Variants in SOX6 observed in about 807,000 individuals in gnomAD.
The protein encoded by SOX6 is SRY-box transcription factor 6.
In SOX6, 11 loss-of-function variants were observed where a neutral mutation model predicts 97.8. The observed-to-expected ratio is 0.11, with a 90% CI of 0.07 to 0.19. The LOEUF is 0.19. SOX6 is among the 10% of genes least tolerant of loss of function. SOX6 has a pLI of 1.00. For missense variants in SOX6, 810 were observed against 1,039.5 expected, an observed-to-expected ratio of 0.78 and a Z score of 3.04; for synonymous variants, 360 against 371.4, an observed-to-expected ratio of 0.97 and a Z score of 0.35.
chr11:16,011,204 A>G (rs911479937), intron 13 of SOX6, among the ~76,000 whole-genome samples: 1 of 152,082 alleles, frequency 6.6e-6, no homozygotes, highest in East Asian at 1.9e-4. Context: ...GCTGTTCACT[A>G]TTCTTAATTA....
chr11:16,313,989 C>T (rs1855688831), intron 3 of SOX6: 1 of 152,060 alleles, frequency 6.6e-6, no homozygotes, highest in African/African-American at 2.4e-5. Context: ...TTATCTCTAG[C>T]TTGAAACAAT....
intron 4 of SOX6, among the ~76,000 whole-genome samples, chr11:16,520,391 G>T (rs182935295): frequency 3.0e-4 from 46 of 152,250 alleles, no homozygotes; most frequent in Non-Finnish European, 1.5e-4. Flanking sequence ...GAGATACAGG[G>T]GTTGTTTCTA....
At chr11:16,309,150 A>C (rs1855524494) in intron 3 of SOX6, among the ~76,000 whole-genome samples, 1 of 152,212 alleles carries the variant, frequency 6.6e-6, no homozygotes, top group Admixed American at 6.5e-5. Context: ...TGTCAATATC[A>C]ATTCCACTCC....
chr11:16,543,595 A>G (rs1590239405), intron 4 of SOX6, among the ~76,000 whole-genome samples: 1 of 152,180 alleles, frequency 6.6e-6, no homozygotes, highest in Admixed American at 6.6e-5. Flanking sequence ...TTACAACTCA[A>G]TAATGAAAAG....
chr11:16,647,132 T>C (rs1849026855), intron 3 of SOX6, among the ~76,000 whole-genome samples: 1 of 152,144 alleles, frequency 6.6e-6, no homozygotes, highest in Non-Finnish European at 1.5e-5. Flanking sequence ...TTGTGGATAT[T>C]AGTCCTTTGT....
At chr11:16,411,211 G>A (rs775295697) in intron 1 of SOX6, among the ~76,000 whole-genome samples, 2 of 152,174 alleles carry the variant, frequency 1.3e-5, no homozygotes, top group Non-Finnish European at 2.9e-5. Context: ...GTATAACTAA[G>A]TGTGCATGCT....
chr11:16,594,684 C>CTTTTTTTTTTTTTTTTTTTTTTTTT (rs10653599), intron 4 of SOX6, among the ~76,000 whole-genome samples: 2 of 68,266 alleles, frequency 2.9e-5, no homozygotes, highest in Non-Finnish European at 4.8e-5. Flanking sequence ...TCGGTTTTTG[C>CTTTTTTTTTTTTTTTTTTTTTTTTT]TTTTTTTTTT....
At chr11:16,645,265 A>G (rs564717558) in intron 3 of SOX6, among the ~76,000 whole-genome samples, 1 of 152,330 alleles carries the variant, frequency 6.6e-6, no homozygotes, top group African/African-American at 2.4e-5. Context: ...CACAAATCGC[A>G]AGTTCACTTG....
rs561822650 is a variant in SOX6 at position 16,267,819 on chromosome 11, G to A, written c.446-33148C>T. On this transcript the variant is annotated intron_variant, in intron 3 of 15. Coordinates refer to ENST00000683767, the MANE Select transcript of SOX6 (RefSeq NM_001367873.1). ...CTAAGTGTCCATCAATGGATGAATG[G>A]ATAAAGAAAATGTGGCATATGTACA... 3.2e-4 allele frequency among the ~76,000 whole-genome samples: 49 copies of A among 151,592 alleles called. No homozygotes were observed. In the South Asian group the frequency reaches 9.9e-3, roughly 31 times the overall value.
rs190671463 is a variant in SOX6, at chr11:16,668,227, A to T, written n.429+46603T>A. ...GTCTCCACTAAAAAATACAAAAATT[A>T]GCCAGCATGGGGGTGCATGCCTGTA... On this transcript the variant is annotated intron_variant and non_coding_transcript_variant, in intron 3 of 5. Coordinates refer to the SOX6 transcript ENST00000524520. Among the ~76,000 whole-genome samples, 12 of 152,190 alleles carry T rather than the reference A, an allele frequency of 7.9e-5. No individual in the cohort carries two copies. In the East Asian group the frequency reaches 2.3e-3, roughly 29 times the overall value.
chr11:16,014,882 TC>T, intron 13 of SOX6, 59 bp downstream of exon 13: 1 of 1,480,408 alleles, frequency 6.8e-7, no homozygotes, highest in Non-Finnish European at 9.4e-7. Context: ...TATATCTAGC[TC>T]AGACACACAT....
At chr11:16,097,783 A>C in intron 7 of SOX6, 95 bp from the exon 8 acceptor site, 3 of 1,150,746 alleles carry the variant, frequency 2.6e-6, no homozygotes, top group Admixed American at 3.4e-5. Context: ...TGAGCTTTAC[A>C]ACATTGCTCT....
chr11:16,518,199 C>T (rs561001448), intron 4 of SOX6, among the ~76,000 whole-genome samples: 9 of 152,280 alleles, frequency 5.9e-5, no homozygotes, highest in Admixed American at 1.3e-4. Context: ...AGACAGACAA[C>T]AATTCTGCCA....
At chr11:16,526,735 C>T (rs1861172238) in intron 4 of SOX6, among the ~76,000 whole-genome samples, 1 of 151,998 alleles carries the variant, frequency 6.6e-6, no homozygotes, top group Admixed American at 6.6e-5. Context: ...TTAATCCAGC[C>T]TTTCGTATAT....
chr11:16,352,734 CATTT>C (rs1461216535), intron 1 of SOX6, among the ~76,000 whole-genome samples: 1 of 152,088 alleles, frequency 6.6e-6, no homozygotes, highest in Non-Finnish European at 1.5e-5. Flanking sequence ...TCTAAATACT[CATTT>C]AATCAGAGCT....
At chr11:16,194,742 A>C (rs1028913700) in intron 4 of SOX6, among the ~76,000 whole-genome samples, 10 of 152,222 alleles carry the variant, frequency 6.6e-5, no homozygotes, top group African/African-American at 2.4e-4. Flanking sequence ...ACTGAGGTCT[A>C]TTCATGTCGC....
At chr11:16,252,174 A>C (rs1357562004) in intron 3 of SOX6, among the ~76,000 whole-genome samples, 1 of 152,198 alleles carries the variant, frequency 6.6e-6, no homozygotes, top group Non-Finnish European at 1.5e-5. Flanking sequence ...AGCAAAAAGA[A>C]CATATCGTAG....
intron 2 of SOX6, 125 bp downstream of exon 2, chr11:16,340,887 G>T: frequency 7.7e-7 from 1 of 1,306,040 alleles, no homozygotes; most frequent in Non-Finnish European, 1.1e-6. Context: ...ATATGTACCT[G>T]GTAGTTGTTT....
At chr11:16,490,547 G>A (rs1305298966) in intron 4 of SOX6, among the ~76,000 whole-genome samples, 1 of 151,776 alleles carries the variant, frequency 6.6e-6, no homozygotes, top group Non-Finnish European at 1.5e-5. Flanking sequence ...CTAACCAAAA[G>A]AAAACTATAA....
Sources: allele counts gnomAD v4.1 joint callset (sites outside exome capture counted in the v4.1 genomes callset), GRCh38; gene constraint gnomAD v4.1.1; transcripts MANE v1.5; gene names NCBI Gene and HGNC (gene_info 2026-07-23, HGNC 2026-07-21).